Variants in NRXN1 observed in about 807,000 individuals in gnomAD.
The protein encoded by NRXN1 is neurexin-1.
Under a neutral mutation model 150.9 loss-of-function variants are expected in NRXN1, and 39 were observed. The ratio of observed to expected loss-of-function variants is 0.26; its 90% confidence interval spans 0.20 to 0.34. The LOEUF (loss-of-function observed/expected upper bound fraction) is 0.34. NRXN1 is among the 10% of genes least tolerant of loss of function. NRXN1 has a pLI of 1.00. For missense variants in NRXN1, 1,815 were observed against 1,949.9 expected, an observed-to-expected ratio of 0.93 and a Z score of 1.30; for synonymous variants, 924 against 757.0, an observed-to-expected ratio of 1.22 and a Z score of -3.62.
At chr2:50,193,786 A>T (rs1034538819) in intron 18 of NRXN1, among the ~76,000 whole-genome samples, 1 of 152,100 alleles carries the variant, frequency 6.6e-6, no homozygotes, top group Non-Finnish European at 1.5e-5. Context: ...TTTTATATCC[A>T]TTACCATTCT....
chr2:50,143,945 A>G (rs72881247), intron 18 of NRXN1, among the ~76,000 whole-genome samples: 5,564 of 152,086 alleles, frequency 0.037, 351 homozygotes, highest in African/African-American at 0.13. Flanking sequence ...AACATTCTCC[A>G]AAACTATGGC....
At chr2:50,645,644 T>A (rs1035384703) in intron 5 of NRXN1, among the ~76,000 whole-genome samples, 1 of 151,950 alleles carries the variant, frequency 6.6e-6, no homozygotes, top group African/African-American at 2.4e-5. Context: ...AATTAATTAT[T>A]CATAATTACT....
At chr2:50,890,991 T>G (rs982835915) in intron 5 of NRXN1, among the ~76,000 whole-genome samples, 31 of 152,022 alleles carry the variant, frequency 2.0e-4, no homozygotes, top group African/African-American at 7.5e-4. Flanking sequence ...AATCCCTATT[T>G]AGTGAAAACA....
chr2:50,930,841 A>T (rs1315924384), intron 2 of NRXN1, among the ~76,000 whole-genome samples: 1 of 152,112 alleles, frequency 6.6e-6, no homozygotes, highest in Non-Finnish European at 1.5e-5. Context: ...TACCCTCCCA[A>T]CCAAGCTTAA....
intron 5 of NRXN1, among the ~76,000 whole-genome samples, chr2:50,708,670 A>T (rs1257788334): frequency 6.6e-6 from 1 of 152,270 alleles, no homozygotes; most frequent in East Asian, 1.9e-4. Flanking sequence ...ATAAAGTGTG[A>T]TGGGAAATAG....
intron 21 of NRXN1, among the ~76,000 whole-genome samples, chr2:50,046,185 T>C (rs1691779347): frequency 6.6e-6 from 1 of 152,208 alleles, no homozygotes; most frequent in African/African-American, 2.4e-5. Context: ...ATGGGAATCC[T>C]TGGACAGCTC....
chr2:50,765,336 G>A (rs1199118299), intron 5 of NRXN1, among the ~76,000 whole-genome samples: 1 of 152,030 alleles, frequency 6.6e-6, no homozygotes, highest in Admixed American at 6.6e-5. Flanking sequence ...GAGAGGCAGA[G>A]GCAGAGGGGA....
intron 8 of NRXN1, among the ~76,000 whole-genome samples, chr2:50,598,134 T>C (rs1458029042): frequency 6.6e-6 from 1 of 150,550 alleles, no homozygotes; most frequent in African/African-American, 2.4e-5. Flanking sequence ...CAAAACTGCG[T>C]CTCAAAGAAA....
chr2:51,014,072 C>T (rs1330033415), intron 2 of NRXN1, among the ~76,000 whole-genome samples: 1 of 151,844 alleles, frequency 6.6e-6, no homozygotes, highest in African/African-American at 2.4e-5. Context: ...ATGCAATTTC[C>T]AAGGCATGAT....
intron 5 of NRXN1, among the ~76,000 whole-genome samples, chr2:50,696,677 A>C (rs745725349): frequency 2.0e-5 from 3 of 152,164 alleles, no homozygotes; most frequent in Non-Finnish European, 4.4e-5. Context: ...ACCCATTAAA[A>C]CCAAAGCATG....
intron 5 of NRXN1, among the ~76,000 whole-genome samples, chr2:50,751,577 T>G (rs1303675545): frequency 6.6e-6 from 1 of 151,900 alleles, no homozygotes; most frequent in Non-Finnish European, 1.5e-5. Flanking sequence ...TTCCACCCCA[T>G]ATGCCATATT....
intron 17 of NRXN1, among the ~76,000 whole-genome samples, chr2:50,273,814 A>T (rs2070039619): frequency 6.6e-6 from 1 of 152,194 alleles, no homozygotes; most frequent in Non-Finnish European, 1.5e-5. Flanking sequence ...TGCAAATCAA[A>T]ACCACAATGA....
intron 2 of NRXN1, among the ~76,000 whole-genome samples, chr2:51,016,955 G>T (rs1668755684): frequency 6.6e-6 from 1 of 152,044 alleles, no homozygotes; most frequent in Non-Finnish European, 1.5e-5. Flanking sequence ...TCCTTTGCAG[G>T]GACATGGATG....
intron 5 of NRXN1, among the ~76,000 whole-genome samples, chr2:50,679,132 T>C (rs781243265): frequency 3.3e-5 from 5 of 152,038 alleles, no homozygotes; most frequent in Non-Finnish European, 5.9e-5. Context: ...AAGATGTTAC[T>C]GTCAGAAGAG....
At chr2:50,105,890 C>T (rs531132480) in intron 18 of NRXN1, among the ~76,000 whole-genome samples, 10 of 151,716 alleles carry the variant, frequency 6.6e-5, no homozygotes, top group Non-Finnish European at 1.3e-4. Flanking sequence ...TATAAACCAC[C>T]ATTAACTATT....
At chr2:50,750,695 A>T (rs1292161432) in intron 5 of NRXN1, among the ~76,000 whole-genome samples, 1 of 151,956 alleles carries the variant, frequency 6.6e-6, no homozygotes, top group African/African-American at 2.4e-5. Flanking sequence ...ACCACCACCA[A>T]AGTTCTTATA....
intron 10 of NRXN1, 41 bp from the exon 11 acceptor site, chr2:50,531,471 T>C: frequency 2.0e-6 from 3 of 1,463,592 alleles, no homozygotes; most frequent in African/African-American, 1.4e-5. Flanking sequence ...TTGGATGGTA[T>C]AGCGCATTAA....
Position 51,028,046 on chromosome 2 carries a change from G to A in NRXN1, c.228C>T (p.Cys76=), listed in dbSNP as rs765374506. 1.8e-5 allele frequency: 28 copies of A among 1,598,632 alleles called. No homozygotes were observed. Among genetic ancestry groups the A allele is most frequent in the Non-Finnish European group, 2.3e-5 (27 of 1,176,508 alleles). The change falls in exon 2 of 23, where the codon TGC becomes TGT. Residue 76 remains cysteine (C), a synonymous_variant. Coordinates refer to ENST00000401669, the MANE Select transcript of NRXN1 (RefSeq NM_001330078.2). The part of the protein sequence containing the change: ...LVLYFDDEGF[C]DFLELILTRG... ...GCGTCAGAATCAGCTCCAGGAAGTC[G>A]CAGAAGCCCTCGTCGTCGAAGTAGA... is the stretch of plus-strand genomic sequence containing the variant.
At chr2:50,801,245 A>C (rs1404461916) in intron 5 of NRXN1, among the ~76,000 whole-genome samples, 1 of 152,180 alleles carries the variant, frequency 6.6e-6, no homozygotes, top group African/African-American at 2.4e-5. Context: ...TACAAAACTC[A>C]ATTTTTCTGA....
Sources: allele counts gnomAD v4.1 joint callset (sites outside exome capture counted in the v4.1 genomes callset), GRCh38; gene constraint gnomAD v4.1.1; transcripts MANE v1.5; gene names NCBI Gene and HGNC (gene_info 2026-07-23, HGNC 2026-07-21).